Variants in SYT9 observed in about 807,000 individuals in gnomAD.
SYT9 encodes synaptotagmin-9.
Under a neutral mutation model 48.4 loss-of-function variants are expected in SYT9, and 22 were observed. That is an observed-to-expected ratio of 0.45 (90% CI 0.32 to 0.65). SYT9 has a LOEUF of 0.65. Ranked by LOEUF, SYT9 falls within the 30% of genes least tolerant of loss-of-function variation. SYT9 has a pLI of 0.03. For missense variants in SYT9, 577 were observed against 622.0 expected (o/e 0.93, Z 0.77); for synonymous variants, 265 against 245.0 (o/e 1.08, Z -0.76).
intron 3 of SYT9, among the ~76,000 whole-genome samples, chr11:7,388,013 A>G (rs1459527005): frequency 2.6e-5 from 4 of 152,138 alleles, no homozygotes; most frequent in Non-Finnish European, 5.9e-5. Context: ...TATTATGTCT[A>G]AAAACTATGA....
At chr11:7,265,926 A>G (rs1310184607) in intron 1 of SYT9, among the ~76,000 whole-genome samples, 1 of 152,162 alleles carries the variant, frequency 6.6e-6, no homozygotes, top group Non-Finnish European at 1.5e-5. Context: ...AGAGAATAAC[A>G]TGGTTGCTTG....
At chr11:7,244,536 T>G (rs751230093) in intron 1 of SYT9, among the ~76,000 whole-genome samples, 7 of 152,238 alleles carry the variant, frequency 4.6e-5, no homozygotes, top group Non-Finnish European at 1.0e-4. Flanking sequence ...ATAAATTATG[T>G]ATACTTCAGG....
intron 3 of SYT9, among the ~76,000 whole-genome samples, chr11:7,350,094 C>T (rs1461790799): frequency 6.6e-6 from 1 of 152,152 alleles, no homozygotes; most frequent in Non-Finnish European, 1.5e-5. Context: ...GATGATACAT[C>T]AGAGGCTGAA....
chr11:7,418,022 A>G lies in SYT9; in HGVS notation c.1231A>G (p.Lys411Glu). 2 of 1,614,190 alleles carry G rather than the reference A, an allele frequency of 1.2e-6. No individual in the cohort carries two copies. The highest frequency in any genetic ancestry group is 1.7e-6 in the Non-Finnish European group (2 of 1,180,024). The change falls in exon 5 of 7, where the codon AAG becomes GAG. Residue 411 changes from lysine to glutamate, a missense_variant. Lys to Glu is a moderately conservative substitution (Grantham distance 56, BLOSUM62 1). Transcript: ENST00000318881. ...RRLKKRKTST[K>E]RNTLNPVYNE... is the part of the protein sequence containing the mutation. ...ACTGAAGAAGAGGAAAACATCCACC[A>G]AGAGGAACACCTTGAATCCTGTTTA...
At chr11:7,291,811 C>T (rs769651470) in intron 1 of SYT9, among the ~76,000 whole-genome samples, 35 of 152,150 alleles carry the variant, frequency 2.3e-4, no homozygotes, top group Non-Finnish European at 4.9e-4. Context: ...GCTCTCTAAA[C>T]ACATGCATGG....
intron 6 of SYT9, chr11:7,461,133 T>C (rs908657442): frequency 6.6e-6 from 1 of 152,110 alleles, no homozygotes; most frequent in Non-Finnish European, 1.5e-5. Flanking sequence ...GCATCACATA[T>C]ATCCTAGGAA....
At chr11:7,420,742 CG>C in intron 6 of SYT9, 107 bp downstream of exon 6, 1 of 1,412,586 alleles carries the variant, frequency 7.1e-7, no homozygotes, top group Non-Finnish European at 9.7e-7. Context: ...TGGTCATAGA[CG>C]GGTTTTCCTG....
chr11:7,296,959 A>T (rs1035278180), intron 1 of SYT9, among the ~76,000 whole-genome samples: 3 of 152,006 alleles, frequency 2.0e-5, no homozygotes, highest in Admixed American at 6.6e-5. Flanking sequence ...CCATGGGCTG[A>T]TTTTCTAACT....
intron 1 of SYT9, among the ~76,000 whole-genome samples, chr11:7,272,737 C>T (rs562520870): frequency 6.6e-6 from 1 of 152,194 alleles, no homozygotes; most frequent in South Asian, 2.1e-4. Context: ...GGCACCTATC[C>T]CAAACTTGGA....
intron 3 of SYT9, among the ~76,000 whole-genome samples, chr11:7,316,069 T>A (rs1160551781): frequency 6.6e-6 from 1 of 150,830 alleles, no homozygotes; most frequent in Non-Finnish European, 1.5e-5. Context: ...GGTTGTGGGG[T>A]TTTTTTTTGT....
At chr11:7,375,622 G>A (rs1474301797) in intron 3 of SYT9, among the ~76,000 whole-genome samples, 6 of 152,078 alleles carry the variant, frequency 3.9e-5, no homozygotes, top group Non-Finnish European at 8.8e-5. Flanking sequence ...TCCCTGAAGA[G>A]GTCCTTCACA....
intron 6 of SYT9, among the ~76,000 whole-genome samples, chr11:7,443,533 C>A (rs1310338005): frequency 3.9e-5 from 6 of 152,206 alleles, no homozygotes; most frequent in African/African-American, 1.4e-4. Context: ...GCAGACAAGG[C>A]TCCTGGGAGC....
chr11:7,334,604 T>C (rs1849600895), intron 3 of SYT9, among the ~76,000 whole-genome samples: 1 of 152,190 alleles, frequency 6.6e-6, no homozygotes. Flanking sequence ...AAACCTTGCC[T>C]GTACCCCTTT....
chr11:7,425,107 T>A (rs1190127249), intron 6 of SYT9, among the ~76,000 whole-genome samples: 1 of 152,122 alleles, frequency 6.6e-6, no homozygotes, highest in African/African-American at 2.4e-5. Context: ...AGGGCCTATC[T>A]GGAGTCTTGG....
intron 6 of SYT9, chr11:7,435,248 T>C (rs770693498): frequency 6.6e-5 from 10 of 152,258 alleles, no homozygotes; most frequent in African/African-American, 1.4e-4. Flanking sequence ...CTCGCTGTTA[T>C]AGAGAAATCA....
At chr11:7,250,448 G>A (rs367894316), upstream of SYT9, among the ~76,000 whole-genome samples, 10 of 69,348 alleles carry the variant, frequency 1.4e-4, no homozygotes, top group South Asian at 6.3e-4. Flanking sequence ...TGTCCCCCCC[G>A]CCACCCCCCC....
At chr11:7,322,407 T>C (rs1017940) in intron 3 of SYT9, among the ~76,000 whole-genome samples, 97,596 of 152,104 alleles carry the variant, frequency 0.64, 31,763 homozygotes, top group East Asian at 0.92. Flanking sequence ...CCTTCTATAA[T>C]GTGGGTGAAG....
At chr11:7,414,572 C>T (rs771467165) in intron 3 of SYT9, among the ~76,000 whole-genome samples, 9 of 152,230 alleles carry the variant, frequency 5.9e-5, no homozygotes, top group Non-Finnish European at 1.3e-4. Context: ...CCCCAAGCCC[C>T]CATATCTCCC....
chr11:7,247,285 T>C (rs1000159323), upstream of SYT9, among the ~76,000 whole-genome samples: 1 of 151,832 alleles, frequency 6.6e-6, no homozygotes, highest in Non-Finnish European at 1.5e-5. Flanking sequence ...CCAAAGTCCA[T>C]TGTGTCATTC....
Sources: allele counts gnomAD v4.1 joint callset (sites outside exome capture counted in the v4.1 genomes callset), GRCh38; gene constraint gnomAD v4.1.1; transcripts MANE v1.5; gene names NCBI Gene and HGNC (gene_info 2026-07-23, HGNC 2026-07-21).